The following NR6A1 variants were observed in gnomAD, a reference collection of about 807,000 sequenced individuals.
NR6A1 encodes the protein nuclear receptor subfamily 6 group A member 1.
NR6A1 carries 7 observed loss-of-function variants against 59.1 expected under a neutral mutation model. That is an observed-to-expected ratio of 0.12 (90% CI 0.07 to 0.22). The LOEUF (loss-of-function observed/expected upper bound fraction) is 0.22. Among genes scored for constraint, NR6A1 ranks in the 10% least tolerant of loss-of-function variants. The pLI, the probability that NR6A1 is intolerant of heterozygous loss-of-function variation, is 1.00. For synonymous variants in NR6A1, 243 were observed against 236.1 expected, an observed-to-expected ratio of 1.03 and a Z score of -0.27; for missense variants, 468 against 611.6, an observed-to-expected ratio of 0.77 and a Z score of 2.48.
intron 2 of NR6A1, among the ~76,000 whole-genome samples, chr9:124,597,324 T>A (rs1835299595): frequency 7.6e-6 from 1 of 131,140 alleles, no homozygotes; most frequent in Non-Finnish European, 1.6e-5. Flanking sequence ...TCTCAGTCCC[T>A]GTGGATTTAA....
intron 4 of NR6A1, among the ~76,000 whole-genome samples, chr9:124,542,555 C>T (rs1257165176): frequency 6.6e-6 from 1 of 152,168 alleles, no homozygotes; most frequent in African/African-American, 2.4e-5. Context: ...TCTGTGAAAA[C>T]CTTCTAACTG....
At chr9:124,750,940 A>G (rs1050910056) in intron 1 of NR6A1, among the ~76,000 whole-genome samples, 2 of 152,180 alleles carry the variant, frequency 1.3e-5, no homozygotes, top group African/African-American at 4.8e-5. Context: ...TCCTTAAGGT[A>G]CAAATGGCCC....
chr9:124,733,991 T>C (rs1302684634), intron 1 of NR6A1, among the ~76,000 whole-genome samples: 9 of 152,158 alleles, frequency 5.9e-5, no homozygotes, highest in Non-Finnish European at 1.3e-4. Context: ...ACTAACACAC[T>C]GGAGAGATAA....
intron 1 of NR6A1, among the ~76,000 whole-genome samples, chr9:124,748,415 T>C (rs1338970309): frequency 6.6e-6 from 1 of 152,212 alleles, no homozygotes; most frequent in Non-Finnish European, 1.5e-5. Context: ...GGATAAACTA[T>C]AAATCATTCC....
intron 2 of NR6A1, among the ~76,000 whole-genome samples, chr9:124,707,671 TTTTTG>T (rs1464519451): frequency 6.6e-6 from 1 of 152,112 alleles, no homozygotes; most frequent in Non-Finnish European, 1.5e-5. Flanking sequence ...GATGAGTTGT[TTTTTG>T]TTTTGTTTAC....
intron 1 of NR6A1, among the ~76,000 whole-genome samples, chr9:124,751,755 A>T (rs1408857703): frequency 6.6e-6 from 1 of 152,254 alleles, no homozygotes; most frequent in Non-Finnish European, 1.5e-5. Flanking sequence ...ACAAAGTACA[A>T]TAAATTAGAA....
At chr9:124,645,771 T>C (rs1836913578) in intron 2 of NR6A1, among the ~76,000 whole-genome samples, 1 of 152,222 alleles carries the variant, frequency 6.6e-6, no homozygotes, top group African/African-American at 2.4e-5. Context: ...CTTTTGGATA[T>C]AACTGACACC....
chr9:124,730,555 C>CTTTTTTTTTTTTTTTTTTTTTTTTTTTCT, intron 2 of NR6A1, among the ~76,000 whole-genome samples: 1 of 123,142 alleles, frequency 8.1e-6, no homozygotes, highest in Non-Finnish European at 1.7e-5. Context: ...ATTTTTTAGT[C>CTTTTTTTTTTTTTTTTTTTTTTTTTTTCT]TTTTTTTTTT....
At chr9:124,730,758 C>T (rs549462803) in intron 2 of NR6A1, among the ~76,000 whole-genome samples, 1 of 152,148 alleles carries the variant, frequency 6.6e-6, no homozygotes, top group East Asian at 1.9e-4. Flanking sequence ...TATCAAGGAC[C>T]TTTCTCAGAA....
At chr9:124,684,392 C>G (rs1350908049) in intron 2 of NR6A1, among the ~76,000 whole-genome samples, 1 of 152,186 alleles carries the variant, frequency 6.6e-6, no homozygotes, top group Non-Finnish European at 1.5e-5. Flanking sequence ...TTTTTCCAGG[C>G]TGATGACATG....
At position 124,686,546 on chromosome 9, in the gene NR6A1, A is replaced by T. The variant is rs192676430; in HGVS notation, c.142+46762T>A. 3.5e-3 allele frequency among the ~76,000 whole-genome samples: 526 copies of T among 152,290 alleles called. 7 individuals are homozygous for T. Among genetic ancestry groups the T allele is most frequent in the Admixed American group, 5.8e-3 (88 of 15,296 alleles). ...ACAATAATCGCTGGTAGAGTAACTC[A>T]GAAGAGTTTTTCACTGATTACAAAT... On this transcript the variant is annotated intron_variant, in intron 2 of 9. Coordinates refer to ENST00000487099, the MANE Select transcript of NR6A1 (RefSeq NM_033334.4).
intron 2 of NR6A1, among the ~76,000 whole-genome samples, chr9:124,560,062 T>C (rs1373474030): frequency 6.6e-6 from 1 of 152,182 alleles, no homozygotes; most frequent in Non-Finnish European, 1.5e-5. Flanking sequence ...TAATCTTGGT[T>C]ACACAACCAA....
intron 2 of NR6A1, among the ~76,000 whole-genome samples, chr9:124,668,448 C>A (rs1188329659): frequency 6.6e-6 from 1 of 151,974 alleles, no homozygotes. Context: ...GTTCAAGGGT[C>A]AACTGTACTA....
intron 2 of NR6A1, among the ~76,000 whole-genome samples, chr9:124,691,648 T>C (rs569258930): frequency 6.6e-6 from 1 of 152,224 alleles, no homozygotes; most frequent in African/African-American, 2.4e-5. Flanking sequence ...TTACACTCTG[T>C]GTTCTCAACT....
chr9:124,756,788 T>A (rs1294487824), intron 1 of NR6A1, among the ~76,000 whole-genome samples: 2 of 152,322 alleles, frequency 1.3e-5, no homozygotes, highest in East Asian at 3.9e-4. Context: ...TATAATTGTA[T>A]TAGAAGACAC....
Position 124,590,061 on chromosome 9 carries a change from CAAAAAAAAA to C in NR6A1, c.143-35500_143-35492del, listed in dbSNP as rs71372976. Among the ~76,000 whole-genome samples, 78 of 30,890 alleles carry C rather than the reference CAAAAAAAAA, an allele frequency of 2.5e-3. No homozygotes were observed. In the South Asian group the frequency reaches 0.062, roughly 25 times the overall value. 20.3% of individuals were successfully genotyped at this position (30,890 alleles called of 152,430 possible). ...GCCTGGTGACAGAGCAAGACTCTGT[CAAAAAAAAA>C]AAAAAAAAAAAAAAAAAAAAGCAAA... is the stretch of plus-strand genomic sequence containing the variant. On this transcript the variant is annotated intron_variant, in intron 2 of 9. Coordinates refer to ENST00000487099, the MANE Select transcript of NR6A1 (RefSeq NM_033334.4).
intron 2 of NR6A1, among the ~76,000 whole-genome samples, chr9:124,724,970 A>G (rs1414831551): frequency 6.6e-6 from 1 of 152,202 alleles, no homozygotes; most frequent in Non-Finnish European, 1.5e-5. Context: ...CCTGTTTTAT[A>G]GCCTAACTGG....
intron 2 of NR6A1, among the ~76,000 whole-genome samples, chr9:124,700,505 G>A (rs1838908465): frequency 6.6e-6 from 1 of 152,046 alleles, no homozygotes; most frequent in African/African-American, 2.4e-5. Context: ...ACAGACATGA[G>A]CCACCACGCC....
At chr9:124,662,199 G>A (rs1222631552) in intron 2 of NR6A1, among the ~76,000 whole-genome samples, 1 of 152,272 alleles carries the variant, frequency 6.6e-6, no homozygotes, top group Non-Finnish European at 1.5e-5. Context: ...CATGGCCAGA[G>A]TACGTGAAAT....
Sources: allele counts gnomAD v4.1 joint callset (sites outside exome capture counted in the v4.1 genomes callset), GRCh38; gene constraint gnomAD v4.1.1; transcripts MANE v1.5; gene names NCBI Gene and HGNC (gene_info 2026-07-23, HGNC 2026-07-21).